Variants in GPR137 observed in about 807,000 individuals in gnomAD.
GPR137 encodes the protein integral membrane protein GPR137.
Under a neutral mutation model 38.9 loss-of-function variants are expected in GPR137, and 20 were observed. That is an observed-to-expected ratio of 0.51 (90% CI 0.36 to 0.75). GPR137 has a LOEUF of 0.75. Ranked by LOEUF, GPR137 falls within the 30% of genes least tolerant of loss-of-function variation. The probability of loss-of-function intolerance (pLI) is 0.00; values close to 1 mark genes in which losing one functional copy is unlikely to be tolerated. For synonymous variants in GPR137, 226 were observed against 235.8 expected, an observed-to-expected ratio of 0.96 and a Z score of 0.38; for missense variants, 456 against 526.4, an observed-to-expected ratio of 0.87 and a Z score of 1.31.
rs371862088 is a variant in GPR137, at chr11:64,288,013, G to A, written c.634-52G>A. On this transcript the variant is annotated intron_variant, in intron 3 of 6. Coordinates refer to ENST00000438980, the MANE Select transcript of GPR137 (RefSeq NM_001170880.2). This position sits in a 1 kb window ranked among gnomAD's most constrained non-coding sequence, Gnocchi z 5.5. ...TCGGCAGCGGTTCTCAGGGTGTAGA[G>A]GAAGCTGGGAGCCTTCTCTCCCTGA... The A allele has an allele frequency of 1.2e-6, 2 of 1,603,714 alleles. No homozygotes were observed. Among genetic ancestry groups the A allele is most frequent in the Non-Finnish European group, 8.5e-7 (1 of 1,179,860 alleles).
chr11:64,288,320 C>T lies in GPR137; in HGVS notation c.784-20C>T, dbSNP rs1214558782. 3.1e-6 allele frequency: 5 copies of T among 1,613,400 alleles called. No homozygotes were observed. Among genetic ancestry groups the T allele is most frequent in the African/African-American group, 1.3e-5 (1 of 74,934 alleles). ...CTTTGGCGTGACTGCAGACTGGCAC[C>T]AGCCCCTGCCTTCCCACAGGCGGAC... On this transcript the variant is annotated intron_variant, in intron 4 of 6. Coordinates refer to ENST00000438980, the MANE Select transcript of GPR137 (RefSeq NM_001170880.2). The surrounding 1 kb of genome is among the most constrained non-coding windows in gnomAD (Gnocchi z 5.5).
chr11:64,276,992 C>T (rs773255111), intron 2 of GPR137: 1 of 725,246 alleles, frequency 1.4e-6, no homozygotes, highest in East Asian at 2.6e-5. Context: ...CATCCCTGCA[C>T]TGGGATTTTC....
chr11:64,285,535 C>G, upstream of GPR137: 1 of 985,144 alleles, frequency 1.0e-6, no homozygotes, highest in African/African-American at 1.7e-5. Context: ...CCGTTGCCGC[C>G]CCCGGCCGGG....
At chr11:64,285,019 G>A (rs2033794894), upstream of GPR137, 2 of 1,206,518 alleles carry the variant, frequency 1.7e-6, no homozygotes, top group South Asian at 1.9e-5. Flanking sequence ...GATAGTGACA[G>A]CTCCCCCGGG....
chr11:64,271,731 C>G (rs1395085605), upstream of GPR137: 4 of 1,448,246 alleles, frequency 2.8e-6, no homozygotes, highest in South Asian at 2.9e-5. Flanking sequence ...GGGCTCCTCC[C>G]CCATCCCTTC....
chr11:64,273,449 G>A (rs1266739107), upstream of GPR137, among the ~76,000 whole-genome samples: 1 of 152,134 alleles, frequency 6.6e-6, no homozygotes, highest in African/African-American at 2.4e-5. Context: ...ATTATTCAGA[G>A]GCCCGCCTAC....
At chr11:64,271,925 C>G, upstream of GPR137, 7 of 717,514 alleles carry the variant, frequency 9.8e-6, no homozygotes, top group Non-Finnish European at 1.4e-5. Context: ...GGGCGCATCA[C>G]AGCCCACCTC....
Position 64,286,454 on chromosome 11 carries a change from G to A in GPR137, c.-71G>A. The A allele has an allele frequency of 6.5e-7, 1 of 1,545,492 alleles. No individual in the cohort carries two copies. The highest frequency in any genetic ancestry group is 1.2e-5 in the South Asian group (1 of 80,296). On this transcript the variant is annotated 5_prime_UTR_variant, in exon 1 of 7. Coordinates refer to ENST00000438980, the MANE Select transcript of GPR137 (RefSeq NM_001170880.2). Reference sequence around the variant, plus strand: ...TGCACCCTGCAATTCCCACCCCTCCGTATTTATTTCCCTGGTCCCGCCGAC... The same window carrying A: ...TGCACCCTGCAATTCCCACCCCTCCATATTTATTTCCCTGGTCCCGCCGAC...
intron 2 of GPR137, chr11:64,287,223 AGT>A: frequency 2.0e-6 from 2 of 985,204 alleles, no homozygotes; most frequent in East Asian, 1.1e-4. Flanking sequence ...TGCTTGTGGT[AGT>A]GTGAGGGAGA....
upstream of GPR137, among the ~76,000 whole-genome samples, chr11:64,283,008 C>G (rs372405871): frequency 6.6e-6 from 1 of 152,000 alleles, no homozygotes; most frequent in Non-Finnish European, 1.5e-5. Flanking sequence ...GAGCTGAGAT[C>G]GCACCTCTGT....
At chr11:64,280,420 C>T (rs1209100015), upstream of GPR137, among the ~76,000 whole-genome samples, 3 of 145,702 alleles carry the variant, frequency 2.1e-5, no homozygotes, top group Admixed American at 6.8e-5. Flanking sequence ...GGCACCATCT[C>T]GGCTCACTGC....
At chr11:64,284,589 C>T, upstream of GPR137, 2 of 1,496,206 alleles carry the variant, frequency 1.3e-6, no homozygotes, top group South Asian at 1.3e-5. Context: ...CCCGGTGGAC[C>T]CAGGCCCCGC....
At chr11:64,273,982 G>C (rs1256947143), upstream of GPR137, among the ~76,000 whole-genome samples, 1 of 152,166 alleles carries the variant, frequency 6.6e-6, no homozygotes, top group Non-Finnish European at 1.5e-5. Context: ...TGAAGGCGGG[G>C]GATAACCATT....
rs1008306428 is a variant in GPR137 at position 64,288,964 on chromosome 11, G to A, written c.1032-73G>A. On this transcript the variant is annotated intron_variant, in intron 6 of 6. Coordinates refer to ENST00000438980, the MANE Select transcript of GPR137 (RefSeq NM_001170880.2). This position sits in a 1 kb window ranked among gnomAD's most constrained non-coding sequence, Gnocchi z 5.5. Reference sequence around the variant, plus strand: ...GTCACAGGGGTTCTGTTCTAAGCCTGTCTTCCTCCTGCAGCTCTTGTGACT... The same window carrying A: ...GTCACAGGGGTTCTGTTCTAAGCCTATCTTCCTCCTGCAGCTCTTGTGACT... The A allele has an allele frequency of 4.8e-5, 70 of 1,463,554 alleles. No individual in the cohort carries two copies. The African/African-American group carries it at 9.2e-4, about 19-fold the overall frequency. 90.7% of individuals were successfully genotyped at this position (1,463,554 alleles called of 1,614,324 possible). A position where few individuals can be genotyped will look rare whatever the true frequency, so the allele number is the denominator to read the frequency against.
At chr11:64,271,361 A>G (rs1333536405), upstream of GPR137, among the ~76,000 whole-genome samples, 1 of 112,258 alleles carries the variant, frequency 8.9e-6, no homozygotes, top group East Asian at 2.3e-4. Flanking sequence ...TAGACTACAG[A>G]TCCCAGCATG....
chr11:64,271,718 G>T, upstream of GPR137: 3 of 1,461,122 alleles, frequency 2.1e-6, no homozygotes, highest in African/African-American at 1.5e-5. Flanking sequence ...CCCGAAAGGG[G>T]CTGGGCTCCT....
upstream of GPR137, chr11:64,285,783 A>C: frequency 3.0e-6 from 3 of 985,264 alleles, no homozygotes; most frequent in Non-Finnish European, 3.6e-6. Flanking sequence ...CTGCGGAGCC[A>C]GCCGGGCCGC....
At chr11:64,276,043 C>T (rs78788055) in intron 1 of GPR137, among the ~76,000 whole-genome samples, 2,852 of 152,214 alleles carry the variant, frequency 0.019, 42 homozygotes, top group Non-Finnish European at 0.03. Flanking sequence ...GGGCTGTGTG[C>T]TTAGCTGTCA....
rs116154287 is a variant in GPR137, at chr11:64,288,928, C to T, written c.1032-109C>T. The T allele has an allele frequency of 5.6e-4, 815 of 1,442,970 alleles. 1 individual carries two copies. In the African/African-American group the frequency reaches 9.8e-3, roughly 17 times the overall value. The allele number at this position is 1,442,970 out of a possible 1,614,324, so 89.4% of individuals were successfully genotyped here. On this transcript the variant is annotated intron_variant, in intron 6 of 6. Transcript: ENST00000438980. This position sits in a 1 kb window ranked among gnomAD's most constrained non-coding sequence, Gnocchi z 5.5. ...TAGAGATGTACTTTGTCCTGGGCCCCGAAGGTCTAGGTCACAGGGGTTCTG... is the reference window on the plus strand; with the variant it reads ...TAGAGATGTACTTTGTCCTGGGCCCTGAAGGTCTAGGTCACAGGGGTTCTG...
Sources: allele counts gnomAD v4.1 joint callset (sites outside exome capture counted in the v4.1 genomes callset), GRCh38; gene constraint gnomAD v4.1.1; non-coding constraint Gnocchi (gnomAD v3.1); transcripts MANE v1.5; gene names NCBI Gene and HGNC (gene_info 2026-07-23, HGNC 2026-07-21).